C10orf90: variants seen among roughly 807,000 people sequenced by gnomAD.
The protein encoded by C10orf90 is chromosome 10 open reading frame 90, also known as (E2-independent) E3 ubiquitin-conjugating enzyme FATS.
In C10orf90, 56 loss-of-function variants were observed where a neutral mutation model predicts 62.5. That is an observed-to-expected ratio of 0.90 (90% CI 0.72 to 1.12). The LOEUF is 1.12. Ranked by LOEUF, C10orf90 falls within the 50% of genes most tolerant of loss-of-function variation. The probability of loss-of-function intolerance (pLI) is 0.00; values close to 1 mark genes in which losing one functional copy is unlikely to be tolerated. For missense variants in C10orf90, 970 were observed against 880.4 expected (o/e 1.10, Z -1.29); for synonymous variants, 386 against 340.4 (o/e 1.13, Z -1.47).
chr10:126,604,193 G>C (rs150308511), intron 2 of C10orf90, among the ~76,000 whole-genome samples: 3 of 152,210 alleles, frequency 2.0e-5, no homozygotes, highest in Admixed American at 6.5e-5. Flanking sequence ...CTGACCTCTC[G>C]GCCTTGCTCG....
chr10:126,603,371 A>G (rs981393870), intron 2 of C10orf90, among the ~76,000 whole-genome samples: 4 of 152,178 alleles, frequency 2.6e-5, no homozygotes, highest in African/African-American at 4.8e-5. Flanking sequence ...AGAACTCACT[A>G]TCACAAGAAG....
intron 2 of C10orf90, among the ~76,000 whole-genome samples, chr10:126,605,204 A>G (rs544324965): frequency 6.6e-6 from 1 of 152,228 alleles, no homozygotes; most frequent in Non-Finnish European, 1.5e-5. Flanking sequence ...AGTCATGAAT[A>G]TGAATGACCG....
At chr10:126,554,117 G>A (rs10751565) in intron 2 of C10orf90, among the ~76,000 whole-genome samples, 188 of 151,774 alleles carry the variant, frequency 1.2e-3, no homozygotes, top group African/African-American at 4.3e-3. Flanking sequence ...GCCACACATG[G>A]AAATAACCCA....
rs751667562 is a variant in C10orf90, at chr10:126,487,443, T to C, written c.1534+16514A>G. On this transcript the variant is annotated intron_variant, in intron 4 of 9. Coordinates refer to ENST00000488181, the MANE Select transcript of C10orf90 (RefSeq NM_001350921.2). Reference sequence around the variant, plus strand: ...TATGAAGGTATAATAGTTAGACATATAGCTGCCTTCTCCATAGCAATAGTG... The same window carrying C: ...TATGAAGGTATAATAGTTAGACATACAGCTGCCTTCTCCATAGCAATAGTG... 4.6e-5 allele frequency among the ~76,000 whole-genome samples: 7 copies of C among 152,244 alleles called. No homozygotes were observed. The East Asian group carries it at 5.8e-4, about 13-fold the overall frequency.
intron 5 of C10orf90, among the ~76,000 whole-genome samples, chr10:126,462,740 C>T (rs367722004): frequency 1.2e-4 from 19 of 152,284 alleles, no homozygotes; most frequent in African/African-American, 3.8e-4. Flanking sequence ...ATGATTACAA[C>T]GACTACAACA....
At chr10:126,542,097 T>A (rs577382893) in intron 2 of C10orf90, among the ~76,000 whole-genome samples, 1 of 152,298 alleles carries the variant, frequency 6.6e-6, no homozygotes, top group Admixed American at 6.5e-5. Context: ...TCTCTTTACA[T>A]GAAATGTCCA....
chr10:126,513,866 T>C lies in C10orf90; in HGVS notation c.387A>G (p.Ala129=), dbSNP rs1436803. Residue 129 remains alanine (A), a synonymous_variant, in exon 3 of 10, where the codon GCA becomes GCG. Coordinates refer to ENST00000488181, the MANE Select transcript of C10orf90 (RefSeq NM_001350921.2). ...ATGTTACCTTGGTGAAGTCAGATTTTGCCTCTGTGACATCAGACTGGAGAT... is the reference window on the plus strand; with the variant it reads ...ATGTTACCTTGGTGAAGTCAGATTTCGCCTCTGTGACATCAGACTGGAGAT... ...LKNLQSDVTE[A]KSDFTKETLA... The C allele has an allele frequency of 0.86, 1,375,495 of 1,608,366 alleles. 588,748 individuals are homozygous for C. Among genetic ancestry groups the C allele is most frequent in the African/African-American group, 0.91 (68,506 of 74,920 alleles).
chr10:126,564,254 T>G (rs1333025543), intron 2 of C10orf90, among the ~76,000 whole-genome samples: 6 of 152,012 alleles, frequency 3.9e-5, no homozygotes, highest in Admixed American at 2.6e-4. Flanking sequence ...CTGTGGGCTT[T>G]GTAACCATCC....
chr10:126,566,093 G>T (rs1564874884), intron 2 of C10orf90, among the ~76,000 whole-genome samples: 1 of 152,160 alleles, frequency 6.6e-6, no homozygotes, highest in Non-Finnish European at 1.5e-5. Flanking sequence ...AGGACTGACA[G>T]GCAGGCTCTG....
intron 3 of C10orf90, among the ~76,000 whole-genome samples, chr10:126,506,521 G>A (rs1862741652): frequency 6.6e-6 from 1 of 152,244 alleles, no homozygotes; most frequent in African/African-American, 2.4e-5. Context: ...AATTGCCACA[G>A]CAGCTCCCAA....
chr10:126,585,032 C>G (rs559966713), intron 2 of C10orf90, among the ~76,000 whole-genome samples: 1 of 151,924 alleles, frequency 6.6e-6, no homozygotes, highest in Admixed American at 6.6e-5. Context: ...TATCAGATTT[C>G]GATCTGGGAG....
chr10:126,578,892 A>G (rs2134012915), intron 2 of C10orf90, among the ~76,000 whole-genome samples: 1 of 152,312 alleles, frequency 6.6e-6, no homozygotes, highest in East Asian at 1.9e-4. Context: ...CGATCTGGCC[A>G]CTATGCCAAT....
intron 2 of C10orf90, among the ~76,000 whole-genome samples, chr10:126,646,127 C>T (rs144982097): frequency 1.4e-4 from 21 of 152,278 alleles, no homozygotes; most frequent in African/African-American, 5.1e-4. Context: ...AACCATCTCA[C>T]CTAGCGTTTT....
intron 2 of C10orf90, among the ~76,000 whole-genome samples, chr10:126,584,821 A>G (rs149561325): frequency 6.6e-6 from 1 of 152,232 alleles, no homozygotes; most frequent in East Asian, 1.9e-4. Context: ...TTCCACCTCG[A>G]TCCCTGAGTG....
chr10:126,548,704 G>A (rs1488635626), intron 2 of C10orf90, among the ~76,000 whole-genome samples: 1 of 151,412 alleles, frequency 6.6e-6, no homozygotes, highest in East Asian at 2.0e-4. Context: ...TAAATAAAGT[G>A]GAAGAAAACA....
At chr10:126,641,254 G>A (rs570567052) in intron 2 of C10orf90, among the ~76,000 whole-genome samples, 1 of 152,178 alleles carries the variant, frequency 6.6e-6, no homozygotes, top group African/African-American at 2.4e-5. Flanking sequence ...GGTTTATTGG[G>A]GCAACTAATG....
intron 4 of C10orf90, among the ~76,000 whole-genome samples, chr10:126,475,912 G>A (rs529834856): frequency 2.0e-5 from 3 of 152,138 alleles, no homozygotes; most frequent in East Asian, 3.9e-4. Flanking sequence ...CGTATTCAAC[G>A]TCCAAACGTA....
In C10orf90 at chr10:126,452,623, T is replaced by C. The variant is rs185775222; in HGVS notation, c.2188+6417A>G. Among the ~76,000 whole-genome samples, 5 of 152,328 alleles carry C rather than the reference T, an allele frequency of 3.3e-5. No homozygotes were observed. In the East Asian group the frequency reaches 9.7e-4, roughly 29 times the overall value. ...GTGTTTTTACCTTACATTATTTTAA[T>C]TGGAAGTACAATTGTCCTTTAAATC... On this transcript the variant is annotated intron_variant, in intron 7 of 9. Coordinates refer to ENST00000488181, the MANE Select transcript of C10orf90 (RefSeq NM_001350921.2).
chr10:126,589,709 C>G (rs1057131618), intron 2 of C10orf90, among the ~76,000 whole-genome samples: 4 of 152,144 alleles, frequency 2.6e-5, no homozygotes, highest in Non-Finnish European at 5.9e-5. Context: ...GAAGGAAGCA[C>G]TAAATATGGA....
Sources: allele counts gnomAD v4.1 joint callset (sites outside exome capture counted in the v4.1 genomes callset), GRCh38; gene constraint gnomAD v4.1.1; transcripts MANE v1.5; gene names NCBI Gene and HGNC (gene_info 2026-07-23, HGNC 2026-07-21).